Variants in MAP4K4 observed in about 807,000 individuals in gnomAD.
The protein encoded by MAP4K4 is mitogen-activated protein kinase kinase kinase kinase 4.
In MAP4K4, 38 loss-of-function variants were observed where a neutral mutation model predicts 189.6. The observed-to-expected ratio is 0.20, with a 90% CI of 0.15 to 0.26. The LOEUF is 0.26. MAP4K4 is among the 10% of genes least tolerant of loss of function. The pLI is 1.00. For missense variants in MAP4K4, 1,054 were observed against 1,726.9 expected, an observed-to-expected ratio of 0.61 and a Z score of 6.91; for synonymous variants, 610 against 624.3, an observed-to-expected ratio of 0.98 and a Z score of 0.34.
At chr2:101,703,019 G>A (rs2039900751) in intron 2 of MAP4K4, among the ~76,000 whole-genome samples, 1 of 152,146 alleles carries the variant, frequency 6.6e-6, no homozygotes, top group Non-Finnish European at 1.5e-5. Context: ...ATTTCAAGGA[G>A]GTATTATTTG....
rs149435010 is a variant in MAP4K4, at chr2:101,777,205, T to G, written c.124-13515T>G. Among the ~76,000 whole-genome samples the G allele has an allele frequency of 3.9e-5, 6 of 152,314 alleles. No homozygotes were observed. In the East Asian group the frequency reaches 1.2e-3, roughly 29 times the overall value. On this transcript the variant is annotated intron_variant, in intron 2 of 32. Transcript: ENST00000324219. Reference sequence around the variant, plus strand: ...TAAGCGAAAGCCTCTCATGGCCCTTTCTCTATAATCCAAGCATGAGCTTTG... The same window carrying G: ...TAAGCGAAAGCCTCTCATGGCCCTTGCTCTATAATCCAAGCATGAGCTTTG...
chr2:101,716,510 C>CA (rs112162844), intron 2 of MAP4K4, among the ~76,000 whole-genome samples: 1,669 of 137,022 alleles, frequency 0.012, 19 homozygotes, highest in East Asian at 0.045. Flanking sequence ...TAAAGGATGG[C>CA]AAAAAAAAAA....
intron 13 of MAP4K4, 53 bp downstream of exon 13, chr2:101,856,191 C>T: frequency 6.6e-7 from 1 of 1,520,970 alleles, no homozygotes; most frequent in Non-Finnish European, 8.8e-7. Context: ...TGTTACTTTG[C>T]AGAGCTGGGG....
At chr2:101,817,758 C>T (rs895838835) in intron 3 of MAP4K4, among the ~76,000 whole-genome samples, 2 of 152,198 alleles carry the variant, frequency 1.3e-5, no homozygotes, top group Non-Finnish European at 2.9e-5. Flanking sequence ...CTCATTGGTT[C>T]AGTAGCAGAA....
intron 2 of MAP4K4, among the ~76,000 whole-genome samples, chr2:101,754,990 G>C (rs1230578113): frequency 6.6e-6 from 1 of 152,048 alleles, no homozygotes; most frequent in East Asian, 1.9e-4. Context: ...GTAAATATTT[G>C]TTTTTATTTA....
chr2:101,844,359 A>G lies in MAP4K4; in HGVS notation c.1233+48A>G, dbSNP rs749148388. 1.1e-5 allele frequency: 16 copies of G among 1,478,844 alleles called. No homozygotes were observed. The Admixed American group carries it at 1.4e-4, about 13-fold the overall frequency. The allele number at this position is 1,478,844 out of a possible 1,614,324, so 91.6% of individuals were successfully genotyped here. A position where few individuals can be genotyped will look rare whatever the true frequency, so the allele number is the denominator to read the frequency against. On this transcript the variant is annotated intron_variant, in intron 12 of 32. Coordinates refer to ENST00000324219, the Ensembl canonical transcript of MAP4K4. ...GTTGGTTGGTCTTTTCTCTTTCTGC[A>G]TTTACACTGGTAGTTAGCCACTCAG...
intron 2 of MAP4K4, among the ~76,000 whole-genome samples, chr2:101,711,534 C>T (rs998800069): frequency 6.6e-6 from 1 of 152,086 alleles, no homozygotes; most frequent in African/African-American, 2.4e-5. Context: ...GGATTACAGG[C>T]GTGAGCCATT....
intron 3 of MAP4K4, among the ~76,000 whole-genome samples, chr2:101,798,403 T>A (rs1199869938): frequency 1.3e-5 from 2 of 152,238 alleles, no homozygotes; most frequent in African/African-American, 4.8e-5. Flanking sequence ...AAATTCTCTC[T>A]TGCTGTTTTA....
At chr2:101,739,221 T>G (rs1460578592) in intron 2 of MAP4K4, among the ~76,000 whole-genome samples, 1 of 152,200 alleles carries the variant, frequency 6.6e-6, no homozygotes, top group African/African-American at 2.4e-5. Context: ...ACACATCTGA[T>G]GTTCAGAAAA....
At chr2:101,856,664 T>C (rs1013004130) in intron 13 of MAP4K4, among the ~76,000 whole-genome samples, 1 of 152,204 alleles carries the variant, frequency 6.6e-6, no homozygotes, top group Non-Finnish European at 1.5e-5. Context: ...TTTAATAATA[T>C]TTGCAGCATT....
chr2:101,864,804 A>G lies in MAP4K4; in HGVS notation c.2098-126A>G. The G allele has an allele frequency of 4.7e-6, 3 of 640,810 alleles. No individual in the cohort carries two copies. In the South Asian group the frequency reaches 5.8e-5, roughly 12 times the overall value. The allele number at this position is 640,810 out of a possible 1,614,324, so 39.7% of individuals were successfully genotyped here. ...GACCAGGGAAGGAGTTGGGGTGGGG[A>G]GTGGAGGTGATAGGAAGGACTGCTT... On this transcript the variant is annotated intron_variant, in intron 17 of 32. Transcript: ENST00000324219.
chr2:101,784,310 T>G (rs553517387), intron 2 of MAP4K4, among the ~76,000 whole-genome samples: 23 of 149,814 alleles, frequency 1.5e-4, no homozygotes, highest in Admixed American at 2.6e-4. Flanking sequence ...GTGTGTGTGT[T>G]TTTAAACACC....
At chr2:101,759,504 TCC>T (rs2074802497) in intron 2 of MAP4K4, among the ~76,000 whole-genome samples, 1 of 20,922 alleles carries the variant, frequency 4.8e-5, no homozygotes, top group Non-Finnish European at 8.5e-5. Context: ...TCCTCCCCTC[TCC>T]CCTCCCCTCC....
At chr2:101,814,969 A>T (rs2095634474) in intron 3 of MAP4K4, among the ~76,000 whole-genome samples, 1 of 152,232 alleles carries the variant, frequency 6.6e-6, no homozygotes, top group Non-Finnish European at 1.5e-5. Context: ...AGCTGTGTAA[A>T]TACTAGCCAT....
At chr2:101,887,317 C>G in intron 30 of MAP4K4, 80 bp downstream of exon 30, 1 of 1,382,590 alleles carries the variant, frequency 7.2e-7, no homozygotes, top group Non-Finnish European at 9.8e-7. Flanking sequence ...GCTTAGTGAA[C>G]TAACACAAGC....
At chr2:101,867,585 A>C in intron 20 of MAP4K4, 1 of 377,690 alleles carries the variant, frequency 2.6e-6, no homozygotes, top group East Asian at 4.6e-5. Flanking sequence ...TGCAGAACAA[A>C]GTATAGTTCT....
chr2:101,846,846 C>G (rs1266494511), intron 12 of MAP4K4, among the ~76,000 whole-genome samples: 1 of 152,114 alleles, frequency 6.6e-6, no homozygotes, highest in African/African-American at 2.4e-5. Flanking sequence ...TGTTACTAGC[C>G]TGGGTAATTA....
chr2:101,888,670 A>C, intron 31 of MAP4K4, 126 bp from the exon 32 acceptor site: 50 of 585,954 alleles, frequency 8.5e-5, no homozygotes, highest in Non-Finnish European at 1.2e-4. Flanking sequence ...CTTAAATGCT[A>C]GGCATTTAAA....
intron 2 of MAP4K4, among the ~76,000 whole-genome samples, chr2:101,744,403 A>T: frequency 6.6e-6 from 1 of 152,256 alleles, no homozygotes; most frequent in East Asian, 1.9e-4. Context: ...AGTGCCCACT[A>T]GCCACATGTG....
Sources: allele counts gnomAD v4.1 joint callset (sites outside exome capture counted in the v4.1 genomes callset), GRCh38; gene constraint gnomAD v4.1.1; transcripts MANE v1.5; gene names NCBI Gene and HGNC (gene_info 2026-07-23, HGNC 2026-07-21).